RBBP8: variants seen among roughly 807,000 people sequenced by gnomAD.
RBBP8 encodes RB binding protein 8, endonuclease.
In RBBP8, 88 loss-of-function variants were observed where a neutral mutation model predicts 108.3. That is an observed-to-expected ratio of 0.81 (90% CI 0.68 to 0.97). The LOEUF (loss-of-function observed/expected upper bound fraction) is 0.97. RBBP8 is among the 50% of genes least tolerant of loss of function. The pLI is 0.00. For missense variants in RBBP8, 1,023 were observed against 1,049.0 expected (o/e 0.98, Z 0.34); for synonymous variants, 332 against 348.2 (o/e 0.95, Z 0.52).
At chr18:23,016,750 T>A in intron 16 of RBBP8, 78 bp from the exon 17 acceptor site, 2 of 1,114,458 alleles carry the variant, frequency 1.8e-6, no homozygotes, top group Non-Finnish European at 2.7e-6. Context: ...ACATTTCAAA[T>A]AAAAATGAAT....
chr18:22,998,173 T>G (rs545842586), intron 14 of RBBP8, among the ~76,000 whole-genome samples: 2 of 152,270 alleles, frequency 1.3e-5, no homozygotes, highest in East Asian at 3.9e-4. Flanking sequence ...AGACAATTTT[T>G]TATAAGTGGT....
intron 3 of RBBP8, among the ~76,000 whole-genome samples, chr18:22,922,136 C>T (rs985294985): frequency 6.6e-6 from 1 of 151,980 alleles, no homozygotes; most frequent in African/African-American, 2.4e-5. Flanking sequence ...ATTTTAAAAC[C>T]GAACAGATAA....
chr18:23,008,877 C>G (rs1371904782), intron 16 of RBBP8, among the ~76,000 whole-genome samples: 1 of 150,976 alleles, frequency 6.6e-6, no homozygotes, highest in Non-Finnish European at 1.5e-5. Flanking sequence ...GGGTTCACGC[C>G]ATTCTCCTGC....
chr18:22,989,582 TC>T (rs1915544000), intron 9 of RBBP8, among the ~76,000 whole-genome samples: 2 of 151,696 alleles, frequency 1.3e-5, no homozygotes, highest in Non-Finnish European at 2.9e-5. Flanking sequence ...TTTCTTCCCT[TC>T]CCCCTCTCTC....
At chr18:22,984,865 C>T in intron 7 of RBBP8, 21 bp from the exon 8 acceptor site, 1 of 1,378,260 alleles carries the variant, frequency 7.3e-7, no homozygotes, top group Non-Finnish European at 1.0e-6. Flanking sequence ...TGTGTAATCT[C>T]TTATTTTTTT....
intron 2 of RBBP8, 155 bp downstream of exon 2, chr18:22,937,115 G>C: frequency 7.0e-7 from 1 of 1,429,402 alleles, no homozygotes; most frequent in Non-Finnish European, 9.3e-7. Flanking sequence ...ATTGCATGTT[G>C]CTGGGGTTTG....
At chr18:22,953,209 G>C (rs1912192086) in intron 4 of RBBP8, among the ~76,000 whole-genome samples, 1 of 152,198 alleles carries the variant, frequency 6.6e-6, no homozygotes, top group Admixed American at 6.5e-5. Context: ...TAGTTGCCCT[G>C]CTTTCCTCAT....
intron 6 of RBBP8, among the ~76,000 whole-genome samples, chr18:22,980,482 A>G (rs1389790811): frequency 2.0e-5 from 3 of 152,126 alleles, no homozygotes; most frequent in Non-Finnish European, 4.4e-5. Flanking sequence ...AATTGGTGCA[A>G]AGAACCTAAG....
At chr18:22,978,569 T>C (rs1442984392) in intron 6 of RBBP8, among the ~76,000 whole-genome samples, 2 of 151,700 alleles carry the variant, frequency 1.3e-5, no homozygotes, top group Admixed American at 1.3e-4. Context: ...TGCCAGGAAA[T>C]CAATTGCTTC....
At chr18:23,008,687 G>A (rs2046101041) in intron 16 of RBBP8, among the ~76,000 whole-genome samples, 1 of 151,918 alleles carries the variant, frequency 6.6e-6, no homozygotes, top group Non-Finnish European at 1.5e-5. Context: ...CCACAGTCTG[G>A]CTGCTAGGGT....
chr18:23,015,915 T>C (rs1046044710), intron 16 of RBBP8, among the ~76,000 whole-genome samples: 3 of 152,128 alleles, frequency 2.0e-5, no homozygotes, highest in Non-Finnish European at 2.9e-5. Flanking sequence ...GTTTTTGTTT[T>C]TTTGCTTTTT....
chr18:23,022,066 C>G lies in RBBP8; in HGVS notation c.2455-63C>G, dbSNP rs1191008368. 5 of 1,351,250 alleles carry G rather than the reference C, an allele frequency of 3.7e-6. No homozygotes were observed. In the African/African-American group the frequency reaches 7.2e-5, roughly 19 times the overall value. The allele number at this position is 1,351,250 out of a possible 1,614,324, so 83.7% of individuals were successfully genotyped here. ...GCTTTTTTAGCTTCTAGTTTGTAAT[C>G]AATAAGCATAACACTCCATTTATTA... On this transcript the variant is annotated intron_variant, in intron 17 of 18. Coordinates refer to ENST00000327155, the MANE Select transcript of RBBP8 (RefSeq NM_002894.3).
chr18:22,927,837 G>A (rs1305058284), intron 3 of RBBP8, among the ~76,000 whole-genome samples: 5 of 152,054 alleles, frequency 3.3e-5, no homozygotes, highest in South Asian at 2.1e-4. Flanking sequence ...AGAGGTTGCA[G>A]TGAGTCGAGA....
chr18:22,996,298 G>T, intron 12 of RBBP8, 76 bp from the exon 13 acceptor site: 3 of 1,578,506 alleles, frequency 1.9e-6, no homozygotes, highest in Non-Finnish European at 1.7e-6. Flanking sequence ...CTATTCTTTA[G>T]GTCCCATAAT....
chr18:22,939,193 A>G (rs1340733910), intron 2 of RBBP8, among the ~76,000 whole-genome samples: 3 of 152,146 alleles, frequency 2.0e-5, no homozygotes, highest in Non-Finnish European at 4.4e-5. Context: ...AAAGTGTAGT[A>G]TGTGAGTCTG....
chr18:22,978,952 T>C (rs1001652956), intron 6 of RBBP8, among the ~76,000 whole-genome samples: 5 of 152,204 alleles, frequency 3.3e-5, no homozygotes, highest in Non-Finnish European at 7.3e-5. Flanking sequence ...AGTAAGTAGA[T>C]ACAATTATTA....
At chr18:22,946,411 G>A (rs1222968023) in intron 2 of RBBP8, 33 bp from the exon 3 acceptor site, 1 of 1,609,370 alleles carries the variant, frequency 6.2e-7, no homozygotes, top group African/African-American at 1.3e-5. Context: ...AGGAACTGTT[G>A]TAGAAGTAAT....
chr18:23,025,036 C>T (rs1178808504), intron 18 of RBBP8, among the ~76,000 whole-genome samples: 1 of 152,062 alleles, frequency 6.6e-6, no homozygotes, highest in Admixed American at 6.6e-5. Flanking sequence ...TCCATTGAGC[C>T]CAGGAGTTCG....
At position 22,993,309 on chromosome 18, in the gene RBBP8, T is replaced by C. The variant is rs1915831701; in HGVS notation, c.1482T>C (p.Ser494=). 2 of 1,614,260 alleles carry C rather than the reference T, an allele frequency of 1.2e-6. No homozygotes were observed. Among genetic ancestry groups the C allele is most frequent in the Non-Finnish European group, 1.7e-6 (2 of 1,180,038 alleles). ...DCVMDKPLDL[S]DRFSAIQRQE... is the part of the protein sequence containing the mutation. ...TGATGGATAAACCTCTGGATCTGTC[T>C]GATCGATTTTCAGCTATTCAGCGTC... Residue 494 remains serine, a synonymous_variant, in exon 11 of 19, where the codon TCT becomes TCC. Transcript: ENST00000327155.
Sources: gnomAD v4.1 joint callset for allele counts (sites outside exome capture counted in the v4.1 genomes callset) on GRCh38, gnomAD v4.1.1 for gene constraint, MANE v1.5 for transcripts, NCBI Gene and HGNC (gene_info 2026-07-23, HGNC 2026-07-21) for gene names.